The following CSMD2 variants were observed in gnomAD, a reference collection of about 807,000 sequenced individuals.
CSMD2 encodes CUB and Sushi multiple domains 2, also known as CUB and sushi domain-containing protein 2.
Under a neutral mutation model 398.5 loss-of-function variants are expected in CSMD2, and 130 were observed. The observed-to-expected ratio is 0.33, with a 90% confidence interval of 0.28 to 0.38. The LOEUF (loss-of-function observed/expected upper bound fraction) is 0.38. Ranked by LOEUF, CSMD2 falls within the 10% of genes least tolerant of loss-of-function variation. The pLI is 1.00. For synonymous variants in CSMD2, 1,828 were observed against 1,908.5 expected, an observed-to-expected ratio of 0.96 and a Z score of 1.10; for missense variants, 3,829 against 4,764.9, an observed-to-expected ratio of 0.80 and a Z score of 5.78.
At chr1:34,080,588 A>G (rs899632731) in intron 2 of CSMD2, among the ~76,000 whole-genome samples, 2 of 152,112 alleles carry the variant, frequency 1.3e-5, no homozygotes, top group African/African-American at 4.8e-5. Flanking sequence ...TTAAGGGGAA[A>G]ACCCTAGAGT....
intron 66 of CSMD2, 52 bp downstream of exon 66, chr1:33,524,830 G>A (rs1654627089): frequency 3.2e-6 from 5 of 1,585,188 alleles, no homozygotes; most frequent in Non-Finnish European, 4.3e-6. Context: ...TCCTTGCCAA[G>A]GGTGTGTGCC....
intron 44 of CSMD2, among the ~76,000 whole-genome samples, chr1:33,593,208 T>A (rs1185076414): frequency 6.6e-6 from 1 of 152,356 alleles, no homozygotes; most frequent in Middle Eastern, 3.4e-3. Flanking sequence ...TTTTCTTTGA[T>A]TGTTACTGTT....
intron 10 of CSMD2, among the ~76,000 whole-genome samples, chr1:33,798,093 CT>C (rs1196670946): frequency 6.6e-6 from 1 of 152,060 alleles, no homozygotes; most frequent in East Asian, 1.9e-4. Flanking sequence ...TTTTTCGTTT[CT>C]TTTTTTCCTT....
Position 34,115,137 on chromosome 1 carries a change from G to C in CSMD2, c.188-25944C>G, listed in dbSNP as rs186009309. On this transcript the variant is annotated intron_variant, in intron 1 of 70. Transcript: ENST00000373381. ...TAAAATAGACCAATATGTGTGTTAT[G>C]AAAGTCTTAGAAGGAGAAAAGAGAA... Among the ~76,000 whole-genome samples, 417 of 152,120 alleles carry C rather than the reference G, an allele frequency of 2.7e-3. 2 individuals are homozygous for C. Among genetic ancestry groups the C allele is most frequent in the Non-Finnish European group, 3.9e-3 (267 of 67,984 alleles).
rs985193164 is a variant in CSMD2, at chr1:33,614,482, T to A, written c.6133+22A>T. On this transcript the variant is annotated intron_variant, in intron 40 of 70. Transcript: ENST00000373381. ...GGGTCTGGGCTTGAAGCCTGTCTCC[T>A]CTGGGGGCTGCAGAGACTTACCAAA... 1.3e-5 allele frequency: 18 copies of A among 1,357,684 alleles called. No homozygotes were observed. The Admixed American group carries it at 2.0e-4, about 15-fold the overall frequency. 84.1% of individuals were successfully genotyped at this position (1,357,684 alleles called of 1,614,324 possible). A position where few individuals can be genotyped will look rare whatever the true frequency, so the allele number is the denominator to read the frequency against.
intron 1 of CSMD2, among the ~76,000 whole-genome samples, chr1:34,142,216 C>T (rs749464661): frequency 3.9e-5 from 6 of 152,136 alleles, no homozygotes; most frequent in East Asian, 1.9e-4. Flanking sequence ...CCTGTCCTGG[C>T]GGCCCCCTCA....
At chr1:33,713,476 A>C (rs1053112255) in intron 21 of CSMD2, among the ~76,000 whole-genome samples, 3 of 152,172 alleles carry the variant, frequency 2.0e-5, no homozygotes, top group South Asian at 4.1e-4. Flanking sequence ...CTAGTGTTTT[A>C]TCCAGCCCTA....
chr1:33,596,405 T>A (rs1178120731), intron 44 of CSMD2, among the ~76,000 whole-genome samples: 1 of 152,128 alleles, frequency 6.6e-6, no homozygotes, highest in Non-Finnish European at 1.5e-5. Context: ...CACCCCGGCC[T>A]GGGCTACAAT....
At chr1:33,638,383 C>T (rs554696125) in intron 29 of CSMD2, among the ~76,000 whole-genome samples, 1 of 152,298 alleles carries the variant, frequency 6.6e-6, no homozygotes, top group South Asian at 2.1e-4. Context: ...AATTAAGTAA[C>T]TTGGAATCAA....
chr1:33,885,700 A>G (rs1383824339), intron 5 of CSMD2, among the ~76,000 whole-genome samples: 1 of 152,118 alleles, frequency 6.6e-6, no homozygotes, highest in Non-Finnish European at 1.5e-5. Context: ...CAAGCTCTAT[A>G]ATTTTTAAGT....
At position 33,973,546 on chromosome 1, in the gene CSMD2, G is replaced by T. The variant is rs138805756; in HGVS notation, c.518-37592C>A. ...GACTCCCAGGTCAGGGTACAAGGTA[G>T]CTGGGTGTGATAACTGCATTGAGAA... On this transcript the variant is annotated intron_variant, in intron 3 of 70. Transcript: ENST00000373381. 1.5e-3 allele frequency among the ~76,000 whole-genome samples: 222 copies of T among 152,356 alleles called. 4 individuals are homozygous for T. The highest frequency in any genetic ancestry group is 8.8e-5 in the Non-Finnish European group (6 of 68,034).
intron 1 of CSMD2, among the ~76,000 whole-genome samples, chr1:34,102,844 T>G (rs1660116539): frequency 6.6e-6 from 1 of 152,190 alleles, no homozygotes; most frequent in Non-Finnish European, 1.5e-5. Context: ...TCAAGCCAGG[T>G]GTTCCTGGTG....
chr1:33,640,400 T>A (rs1557661873), intron 29 of CSMD2, among the ~76,000 whole-genome samples: 1 of 152,172 alleles, frequency 6.6e-6, no homozygotes, highest in Non-Finnish European at 1.5e-5. Context: ...TATGGTGCAA[T>A]CTCATTCATA....
chr1:33,847,832 C>A (rs1423271218), intron 5 of CSMD2, among the ~76,000 whole-genome samples: 8 of 151,962 alleles, frequency 5.3e-5, no homozygotes, highest in Middle Eastern at 3.4e-3. Flanking sequence ...TCATGATGAC[C>A]CCTCCCTCAA....
chr1:33,726,537 T>A lies in CSMD2; in HGVS notation c.2507+10A>T. 1 of 1,604,252 alleles carries A rather than the reference T, an allele frequency of 6.2e-7. No homozygotes were observed. The highest frequency in any genetic ancestry group is 2.2e-5 in the East Asian group (1 of 44,552). On this transcript the variant is annotated intron_variant, in intron 16 of 70. Transcript: ENST00000373381. ...CTTGCCCTCTCCCCCAAGGCTGTGG[T>A]CACAAGCACCTGTCGAAGGTGATTT...
At chr1:33,832,278 C>A (rs572818556) in intron 6 of CSMD2, among the ~76,000 whole-genome samples, 3 of 151,988 alleles carry the variant, frequency 2.0e-5, no homozygotes, top group Non-Finnish European at 4.4e-5. Context: ...CACTCCTCAG[C>A]AAATGTAAAA....
chr1:33,770,650 G>A (rs1407079039), intron 13 of CSMD2, among the ~76,000 whole-genome samples: 1 of 152,212 alleles, frequency 6.6e-6, no homozygotes, highest in Non-Finnish European at 1.5e-5. Context: ...ATGTCATCCT[G>A]CTCTATCCCA....
In CSMD2 at chr1:33,545,487, G is replaced by A. The variant is rs1465657555; in HGVS notation, c.9100+550C>T. ...CCAGGAGATCAAGATGTGTGTCTCCGTCTGTTCAGGCTTGGACATGGTGCC... is the reference window on the plus strand; with the variant it reads ...CCAGGAGATCAAGATGTGTGTCTCCATCTGTTCAGGCTTGGACATGGTGCC... On this transcript the variant is annotated intron_variant, in intron 57 of 70. Coordinates refer to ENST00000373381, the MANE Select transcript of CSMD2 (RefSeq NM_001281956.2). Among the ~76,000 whole-genome samples, 7 of 152,162 alleles carry A rather than the reference G, an allele frequency of 4.6e-5. No individual in the cohort carries two copies. The South Asian group carries it at 6.2e-4, about 14-fold the overall frequency.
At chr1:33,529,614 A>G (rs1655072115) in intron 64 of CSMD2, among the ~76,000 whole-genome samples, 3 of 152,206 alleles carry the variant, frequency 2.0e-5, no homozygotes. Context: ...TTCTAACCTA[A>G]TATCATAAAA....
Sources: allele counts gnomAD v4.1 joint callset (sites outside exome capture counted in the v4.1 genomes callset), GRCh38; gene constraint gnomAD v4.1.1; transcripts MANE v1.5; gene names NCBI Gene and HGNC (gene_info 2026-07-23, HGNC 2026-07-21).